UNC13A: variants seen among roughly 807,000 people sequenced by gnomAD.
UNC13A encodes unc-13 homolog A, also known as protein unc-13 homolog A.
UNC13A carries 61 observed loss-of-function variants against 219.7 expected under a neutral mutation model. The observed-to-expected ratio is 0.28, with a 90% confidence interval of 0.23 to 0.34. The LOEUF is 0.34. UNC13A is among the 10% of genes least tolerant of loss of function. The probability of loss-of-function intolerance (pLI) is 1.00; values close to 1 mark genes in which losing one functional copy is unlikely to be tolerated. For missense variants in UNC13A, 1,476 were observed against 2,270.3 expected, an observed-to-expected ratio of 0.65 and a Z score of 7.11; for synonymous variants, 920 against 884.6, an observed-to-expected ratio of 1.04 and a Z score of -0.71.
At chr19:17,611,688 G>T (rs559998353) in intron 42 of UNC13A, 75 bp downstream of exon 42, 1 of 1,335,146 alleles carries the variant, frequency 7.5e-7, no homozygotes, top group East Asian at 2.3e-5. Context: ...ACAAAAAAAG[G>T]GTGTTGCTTA....
chr19:17,670,654 A>G lies in UNC13A; in HGVS notation c.271-978T>C, dbSNP rs1744717490. On this transcript the variant is annotated intron_variant, in intron 4 of 43. Coordinates refer to ENST00000519716, the MANE Select transcript of UNC13A (RefSeq NM_001080421.3). ...TGCGGTGACTCACACCTGTAATCCCAGCACTTTGCGAGGCCAAGGTGGGCG... is the reference window on the plus strand; with the variant it reads ...TGCGGTGACTCACACCTGTAATCCCGGCACTTTGCGAGGCCAAGGTGGGCG... Among the ~76,000 whole-genome samples, 3 of 152,148 alleles carry G rather than the reference A, an allele frequency of 2.0e-5. No individual in the cohort carries two copies. In the South Asian group the frequency reaches 6.2e-4, roughly 32 times the overall value.
intron 2 of UNC13A, among the ~76,000 whole-genome samples, chr19:17,675,540 G>C (rs1316606393): frequency 6.6e-6 from 1 of 150,432 alleles, no homozygotes. Context: ...GCTGAGGCAG[G>C]AGAATTGCTT....
intron 36 of UNC13A, 40 bp from the exon 37 acceptor site, chr19:17,621,910 C>T (rs757385386): frequency 2.7e-5 from 43 of 1,611,282 alleles, no homozygotes; most frequent in Non-Finnish European, 3.1e-5. Flanking sequence ...CCTGGCAAGT[C>T]GTGCAGGGTG....
At chr19:17,631,073 CTCCTTCCTTCCTTCCT>C (rs145013574) in intron 28 of UNC13A, among the ~76,000 whole-genome samples, 2 of 112,700 alleles carry the variant, frequency 1.8e-5, no homozygotes, top group African/African-American at 3.9e-5. Flanking sequence ...CCCTCCCTCC[CTCCTTCCTTCCTTCCT>C]TCCTTCCTTC....
intron 40 of UNC13A, 52 bp downstream of exon 40, chr19:17,618,369 G>A: frequency 6.5e-7 from 1 of 1,536,846 alleles, no homozygotes; most frequent in African/African-American, 1.4e-5. Flanking sequence ...GACCACAGCA[G>A]CCACACCCTC....
rs760653705 is a variant in UNC13A at position 17,605,282 on chromosome 19, A to G, written c.*772T>C. The G allele has an allele frequency of 6.5e-6, 1 of 152,844 alleles. No homozygotes were observed. The highest frequency in any genetic ancestry group is 1.5e-5 in the Non-Finnish European group (1 of 68,178). 9.5% of individuals were successfully genotyped at this position (152,844 alleles called of 1,614,324 possible). A position where few individuals can be genotyped will look rare whatever the true frequency, so the allele number is the denominator to read the frequency against. On this transcript the variant is annotated 3_prime_UTR_variant, in exon 44 of 44. Coordinates refer to ENST00000519716, the MANE Select transcript of UNC13A (RefSeq NM_001080421.3). ...TTGGCCAAGTCTCAAGCAGCTCTTT[A>G]AGCCTCAGTTTTGCCATCTGTCAAA...
At chr19:17,607,040 G>A (rs917176866) in intron 43 of UNC13A, among the ~76,000 whole-genome samples, 3 of 151,704 alleles carry the variant, frequency 2.0e-5, no homozygotes, top group Admixed American at 2.0e-4. Context: ...GAAGTACTCC[G>A]GCCCACCCTG....
intron 29 of UNC13A, 83 bp downstream of exon 29, chr19:17,630,571 T>C: frequency 7.0e-7 from 1 of 1,420,786 alleles, no homozygotes; most frequent in Non-Finnish European, 9.9e-7. Flanking sequence ...TACCAGAGAC[T>C]GGCCTCATCT....
intron 7 of UNC13A, among the ~76,000 whole-genome samples, chr19:17,666,181 C>CTCTCTCTT (rs1555697380): frequency 0.037 from 2,439 of 66,316 alleles, 56 homozygotes; most frequent in African/African-American, 0.16. Flanking sequence ...CTTTCTTTCT[C>CTCTCTCTT]TCTCTCTCTT....
rs758879032 is a variant in UNC13A at position 17,624,134 on chromosome 19, TG to T, written c.4198-588del. Among the ~76,000 whole-genome samples the T allele has an allele frequency of 2.1e-3, 314 of 148,550 alleles. 12 individuals carry two copies. The highest frequency in any genetic ancestry group is 0.017 in the Middle Eastern group (5 of 286). On this transcript the variant is annotated intron_variant, in intron 35 of 43. Coordinates refer to ENST00000519716, the MANE Select transcript of UNC13A (RefSeq NM_001080421.3). ...GTCTATGCCTTCTCTTTTTTTTTTT[TG>T]TTTTTTTGAGAAAGGGTCTCGTTCT... is the stretch of plus-strand genomic sequence containing the variant.
chr19:17,618,400 G>T, intron 40 of UNC13A, 21 bp downstream of exon 40: 1 of 1,563,776 alleles, frequency 6.4e-7, no homozygotes, highest in Non-Finnish European at 8.7e-7. Flanking sequence ...ACCTGGGATG[G>T]GGAGGGGTAG....
At chr19:17,607,867 G>A (rs1046742182) in intron 43 of UNC13A, among the ~76,000 whole-genome samples, 44 of 137,664 alleles carry the variant, frequency 3.2e-4, no homozygotes, top group Middle Eastern at 4.3e-3. Context: ...ATCTACCCCC[G>A]TGAACAGACT....
At chr19:17,680,030 G>T (rs1056084173) in intron 1 of UNC13A, among the ~76,000 whole-genome samples, 32 of 152,060 alleles carry the variant, frequency 2.1e-4, no homozygotes, top group Non-Finnish European at 4.1e-4. Context: ...GGGGCTCCCA[G>T]TGGGAGAGGG....
chr19:17,602,900 T>C lies in UNC13A; in HGVS notation c.*3154A>G. ...TGTGCCCAGCCTGTGCTAGGTAAAG[T>C]TGGGGGTCCTGAGAGTCCTCAGACC... On this transcript the variant is annotated 3_prime_UTR_variant, in exon 44 of 44. Coordinates refer to ENST00000519716, the MANE Select transcript of UNC13A (RefSeq NM_001080421.3). 1 of 152,344 alleles carries C rather than the reference T, an allele frequency of 6.6e-6. No homozygotes were observed. The highest frequency in any genetic ancestry group is 1.9e-4 in the East Asian group (1 of 5,170). The allele number at this position is 152,344 out of a possible 1,614,324, so 9.4% of individuals were successfully genotyped here. A position where few individuals can be genotyped will look rare whatever the true frequency, so the allele number is the denominator to read the frequency against.
At chr19:17,621,490 C>T (rs896970540) in intron 37 of UNC13A, among the ~76,000 whole-genome samples, 7 of 152,124 alleles carry the variant, frequency 4.6e-5, no homozygotes, top group Non-Finnish European at 4.4e-5. Context: ...AAAAACAACA[C>T]GTCTCAGTCC....
intron 5 of UNC13A, among the ~76,000 whole-genome samples, chr19:17,669,314 G>A (rs1287429866): frequency 1.3e-5 from 2 of 152,108 alleles, no homozygotes; most frequent in African/African-American, 2.4e-5. Context: ...GCCCTCGGTC[G>A]TGAAGCACTT....
chr19:17,616,061 C>T (rs2076658966), intron 41 of UNC13A, among the ~76,000 whole-genome samples: 1 of 152,322 alleles, frequency 6.6e-6, no homozygotes, highest in Admixed American at 6.5e-5. Context: ...CTCAGGGAGA[C>T]AGATTCTTGC....
In UNC13A at chr19:17,636,133, C is replaced by T. The variant is rs758094587; in HGVS notation, c.3106G>A (p.Glu1036Lys). 6.2e-7 allele frequency: 1 copy of T among 1,603,456 alleles called. No homozygotes were observed. The highest frequency in any genetic ancestry group is 8.5e-7 in the Non-Finnish European group (1 of 1,174,700). Residue 1036 changes from glutamate to lysine, a missense_variant, in exon 26 of 44, where the codon GAG becomes AAG. Around this residue, in one of 14 missense-constraint regions of UNC13A, gnomAD observed 24 missense variants for 16.0 expected, o/e 1.50. Transcript: ENST00000519716. The stretch of plus-strand genomic sequence containing the variant: ...TTCTTGATGCTGGGCCCCTGTTCCT[C>T]TGGGAGAACTTCCCCCTTCTTGGCC... ...DPAKKGEVLP[E>K]EQGPSIKNLD... is the part of the protein sequence containing the mutation.
rs562965052 is a variant in UNC13A, at chr19:17,657,818, G to A, written c.767+244C>T. 3.2e-3 allele frequency among the ~76,000 whole-genome samples: 479 copies of A among 149,828 alleles called. 1 individual carries two copies. The highest frequency in any genetic ancestry group is 4.4e-3 in the Non-Finnish European group (298 of 67,722). ...TGGGTGGTGGAGGTTGCAGTGAGCC[G>A]AAATGGTGCCACTGCACTCCAGCCT... On this transcript the variant is annotated intron_variant, in intron 9 of 43. Coordinates refer to ENST00000519716, the MANE Select transcript of UNC13A (RefSeq NM_001080421.3).
Sources: allele counts gnomAD v4.1 joint callset (sites outside exome capture counted in the v4.1 genomes callset), GRCh38; gene constraint gnomAD v4.1.1; regional missense constraint gnomAD v4.1.1; transcripts MANE v1.5; gene names NCBI Gene and HGNC (gene_info 2026-07-23, HGNC 2026-07-21).